KCNA2: variants seen among roughly 807,000 people sequenced by gnomAD.
KCNA2 encodes potassium voltage-gated channel subfamily A member 2, also known as potassium channel, voltage gated shaker related subfamily A, member 2.
Under a neutral mutation model 33.4 loss-of-function variants are expected in KCNA2, and 11 were observed. That is an observed-to-expected ratio of 0.33 (90% confidence interval 0.21 to 0.55). The LOEUF (loss-of-function observed/expected upper bound fraction) is 0.55. KCNA2 is among the 20% of genes least tolerant of loss of function. KCNA2 has a pLI of 0.93. For missense variants in KCNA2, 291 were observed against 621.6 expected (o/e 0.47, Z 5.66); for synonymous variants, 222 against 231.3 (o/e 0.96, Z 0.37).
chr1:110,595,484 C>T lies in KCNA2; in HGVS notation c.*7799G>A. On this transcript the variant is annotated 3_prime_UTR_variant, in exon 3 of 3. Coordinates refer to ENST00000316361, the MANE Select transcript of KCNA2 (RefSeq NM_004974.4). Reference sequence around the variant, plus strand: ...GTGGGTGTGGGGAGATGGCAGACACCCCTGCACCACTTCAATTGCTCCAGA... The same window carrying T: ...GTGGGTGTGGGGAGATGGCAGACACTCCTGCACCACTTCAATTGCTCCAGA... 4.1e-6 allele frequency: 4 copies of T among 985,388 alleles called. No individual in the cohort carries two copies. Among genetic ancestry groups the T allele is most frequent in the South Asian group, 4.7e-5 (1 of 21,274 alleles). The allele number at this position is 985,388 out of a possible 1,614,324, so 61.0% of individuals were successfully genotyped here. A position where few individuals can be genotyped will look rare whatever the true frequency, so the allele number is the denominator to read the frequency against.
chr1:110,599,894 T>C lies in KCNA2; in HGVS notation c.*3389A>G. On this transcript the variant is annotated 3_prime_UTR_variant, in exon 3 of 3. Coordinates refer to ENST00000316361, the MANE Select transcript of KCNA2 (RefSeq NM_004974.4). Reference sequence around the variant, plus strand: ...TTAGGCTACCAGCTGTCCCAGGTACTTTCACACCCTGCACCCAGGTTTCTG... The same window carrying C: ...TTAGGCTACCAGCTGTCCCAGGTACCTTCACACCCTGCACCCAGGTTTCTG... 5 of 985,358 alleles carry C rather than the reference T, an allele frequency of 5.1e-6. No individual in the cohort carries two copies. The highest frequency in any genetic ancestry group is 6.0e-6 in the Non-Finnish European group (5 of 829,920). The allele number at this position is 985,358 out of a possible 1,614,324, so 61.0% of individuals were successfully genotyped here. A position where few individuals can be genotyped will look rare whatever the true frequency, so the allele number is the denominator to read the frequency against.
At chr1:110,623,786 A>T (rs1650319092) in intron 1 of KCNA2, among the ~76,000 whole-genome samples, 1 of 152,258 alleles carries the variant, frequency 6.6e-6, no homozygotes, top group African/African-American at 2.4e-5. Context: ...AAACAAATTT[A>T]AAAATGGGCA....
chr1:110,623,236 A>G (rs1485622817), intron 1 of KCNA2, among the ~76,000 whole-genome samples: 2 of 152,226 alleles, frequency 1.3e-5, no homozygotes, highest in African/African-American at 2.4e-5. Context: ...TGGCGCTCGA[A>G]CAACTGAACA....
chr1:110,619,774 C>T (rs1207407093), intron 1 of KCNA2, among the ~76,000 whole-genome samples: 1 of 152,190 alleles, frequency 6.6e-6, no homozygotes, highest in Non-Finnish European at 1.5e-5. Flanking sequence ...AACCCCAGCA[C>T]TTTCAGTCAC....
chr1:110,603,321 TTG>T lies in KCNA2; in HGVS notation c.1460_1461del (p.Thr487LysfsTer11). Reference protein sequence around the residue: ...LKTANCTLANTNYVNITKMLT... With the variant: ...LKTANCTLANXNYVNITKMLT... Reference sequence around the variant, plus strand: ...AACATTTTGGTAATATTCACATAGTTTGTGTTAGCCAAGGTACAGTTGGCTGT... The same window carrying T: ...AACATTTTGGTAATATTCACATAGTTTGTTAGCCAAGGTACAGTTGGCTGT... On this transcript the variant is annotated frameshift_variant, in exon 3 of 3. Transcript: ENST00000316361. LOFTEE classifies it high-confidence loss of function. This position sits in a 1 kb window ranked among gnomAD's most constrained non-coding sequence, Gnocchi z 5.7. 6.2e-7 allele frequency: 1 copy of T among 1,611,348 alleles called. No homozygotes were observed. The highest frequency in any genetic ancestry group is 8.5e-7 in the Non-Finnish European group (1 of 1,179,078).
chr1:110,599,913 G>A lies in KCNA2; in HGVS notation c.*3370C>T, dbSNP rs373034177. 3 of 985,384 alleles carry A rather than the reference G, an allele frequency of 3.0e-6. No homozygotes were observed. Among genetic ancestry groups the A allele is most frequent in the African/African-American group, 3.5e-5 (2 of 57,326 alleles). 61.0% of individuals were successfully genotyped at this position (985,384 alleles called of 1,614,324 possible). A position where few individuals can be genotyped will look rare whatever the true frequency, so the allele number is the denominator to read the frequency against. ...AGGTACTTTCACACCCTGCACCCAG[G>A]TTTCTGGTGGGAGGAAGGTGAATTG... On this transcript the variant is annotated 3_prime_UTR_variant, in exon 3 of 3. Coordinates refer to ENST00000316361, the MANE Select transcript of KCNA2 (RefSeq NM_004974.4).
chr1:110,626,116 T>C (rs904974176), intron 1 of KCNA2, among the ~76,000 whole-genome samples: 2 of 152,200 alleles, frequency 1.3e-5, no homozygotes, highest in African/African-American at 4.8e-5. Flanking sequence ...ATTCTATGAA[T>C]ACACCTAAGT....
At chr1:110,621,619 G>A (rs1294087328) in intron 1 of KCNA2, among the ~76,000 whole-genome samples, 1 of 152,082 alleles carries the variant, frequency 6.6e-6, no homozygotes, top group African/African-American at 2.4e-5. Flanking sequence ...CAGAAAAAAA[G>A]AGAAATAACC....
At chr1:110,606,445 G>A (rs1649618596), upstream of KCNA2, 2 of 152,252 alleles carry the variant, frequency 1.3e-5, no homozygotes, top group Admixed American at 1.3e-4. Flanking sequence ...CTGGCCCCCT[G>A]CCGACCCAAT....
intron 1 of KCNA2, among the ~76,000 whole-genome samples, chr1:110,628,385 G>A (rs1650457557): frequency 6.6e-6 from 1 of 152,180 alleles, no homozygotes; most frequent in African/African-American, 2.4e-5. Flanking sequence ...CATTCATCTT[G>A]TTAGGTTCAC....
At position 110,598,254 on chromosome 1, in the gene KCNA2, G is replaced by A. The variant is rs923473630; in HGVS notation, c.*5029C>T. ...AAGTTATTATGACAATGGGCCCCAG[G>A]AAAGCTCTGGGGAGCAGAGCTCAGC... is the stretch of plus-strand genomic sequence containing the variant. On this transcript the variant is annotated 3_prime_UTR_variant, in exon 3 of 3. Transcript: ENST00000316361. The A allele has an allele frequency of 1.2e-5, 7 of 597,088 alleles. No homozygotes were observed. The highest frequency in any genetic ancestry group is 8.3e-4 in the Middle Eastern group (1 of 1,204). 37.0% of individuals were successfully genotyped at this position (597,088 alleles called of 1,614,324 possible). A position where few individuals can be genotyped will look rare whatever the true frequency, so the allele number is the denominator to read the frequency against.
rs1649229274 is a variant in KCNA2 at position 110,599,127 on chromosome 1, A to G, written c.*4156T>C. On this transcript the variant is annotated 3_prime_UTR_variant, in exon 3 of 3. Transcript: ENST00000316361. Reference sequence around the variant, plus strand: ...GACCATCACTGGAAGGGAGAGTGAGACACAACGGGATGGCTGCAGGAGCAG... The same window carrying G: ...GACCATCACTGGAAGGGAGAGTGAGGCACAACGGGATGGCTGCAGGAGCAG... The G allele has an allele frequency of 1.0e-6, 1 of 985,404 alleles. No individual in the cohort carries two copies. The highest frequency in any genetic ancestry group is 1.2e-6 in the Non-Finnish European group (1 of 829,922). 61.0% of individuals were successfully genotyped at this position (985,404 alleles called of 1,614,324 possible).
chr1:110,619,363 T>C (rs553748962), intron 1 of KCNA2, among the ~76,000 whole-genome samples: 29 of 152,362 alleles, frequency 1.9e-4, no homozygotes, highest in African/African-American at 6.7e-4. Flanking sequence ...GCCTGGCACA[T>C]AGGAAGTTCT....
intron 1 of KCNA2, among the ~76,000 whole-genome samples, chr1:110,629,271 C>A (rs1001814920): frequency 1.3e-5 from 2 of 152,174 alleles, no homozygotes; most frequent in African/African-American, 4.8e-5. Context: ...AGGTCCCCAC[C>A]AATGGCCCCA....
In KCNA2 at chr1:110,603,069, G is replaced by C. The variant is rs952935903; in HGVS notation, c.*214C>G. On this transcript the variant is annotated 3_prime_UTR_variant, in exon 3 of 3. Transcript: ENST00000316361. The surrounding 1 kb of genome is among the most constrained non-coding windows in gnomAD (Gnocchi z 5.7). Reference sequence around the variant, plus strand: ...GCTTGATAGGTGACTCCCGTCTTTGGAAGTTCATAAGCCGGTGATGAGGAT... The same window carrying C: ...GCTTGATAGGTGACTCCCGTCTTTGCAAGTTCATAAGCCGGTGATGAGGAT... 2.9e-6 allele frequency: 4 copies of C among 1,403,484 alleles called. No homozygotes were observed. The highest frequency in any genetic ancestry group is 3.7e-6 in the Non-Finnish European group (4 of 1,086,212). The allele number at this position is 1,403,484 out of a possible 1,614,324, so 86.9% of individuals were successfully genotyped here.
At chr1:110,615,672 G>T (rs1322007073) in intron 1 of KCNA2, among the ~76,000 whole-genome samples, 1 of 152,230 alleles carries the variant, frequency 6.6e-6, no homozygotes, top group Non-Finnish European at 1.5e-5. Flanking sequence ...TGAAGCAGGG[G>T]AGGGAAAGGT....
intron 1 of KCNA2, among the ~76,000 whole-genome samples, chr1:110,613,919 T>C (rs1248362061): frequency 6.6e-6 from 1 of 152,222 alleles, no homozygotes; most frequent in East Asian, 1.9e-4. Flanking sequence ...CTCTGTGCTT[T>C]AAGCTCTCCT....
chr1:110,609,671 C>A (rs1057022203), upstream of KCNA2, among the ~76,000 whole-genome samples: 1 of 152,040 alleles, frequency 6.6e-6, no homozygotes, highest in Non-Finnish European at 1.5e-5. Context: ...CTGTCTCTAT[C>A]CTTTAAACTT....
chr1:110,617,105 T>C (rs941074517), intron 1 of KCNA2, among the ~76,000 whole-genome samples: 1 of 152,230 alleles, frequency 6.6e-6, no homozygotes, highest in Non-Finnish European at 1.5e-5. Context: ...CTTCATTCAT[T>C]CACTCCCTGG....
Sources: gnomAD v4.1 joint callset for allele counts (sites outside exome capture counted in the v4.1 genomes callset) on GRCh38, gnomAD v4.1.1 for gene constraint, Gnocchi (gnomAD v3.1) non-coding constraint, MANE v1.5 for transcripts, NCBI Gene and HGNC (gene_info 2026-07-23, HGNC 2026-07-21) for gene names.